Variants in CDON observed in about 807,000 individuals in gnomAD.
The protein encoded by CDON is cell adhesion associated, oncogene regulated.
Under a neutral mutation model 120.9 loss-of-function variants are expected in CDON, and 73 were observed. That is an observed-to-expected ratio of 0.60 (90% CI 0.50 to 0.73). The LOEUF (loss-of-function observed/expected upper bound fraction) is 0.73, where lower values mean the gene tolerates loss of function less well. Among genes scored for constraint, CDON ranks in the 30% least tolerant of loss-of-function variants. The pLI is 0.00. For synonymous variants in CDON, 566 were observed against 573.5 expected (o/e 0.99, Z 0.19); for missense variants, 1,470 against 1,587.3 (o/e 0.93, Z 1.26).
intron 18 of CDON, among the ~76,000 whole-genome samples, chr11:125,975,896 T>C (rs1164437410): frequency 1.3e-5 from 2 of 152,202 alleles, no homozygotes; most frequent in African/African-American, 4.8e-5. Context: ...GCTCAGTAAA[T>C]GTTTGTTTTG....
chr11:125,992,024 A>G (rs188813688), intron 14 of CDON, among the ~76,000 whole-genome samples: 3 of 152,376 alleles, frequency 2.0e-5, no homozygotes, highest in African/African-American at 4.8e-5. Flanking sequence ...TTTCTAGAAC[A>G]TAGAACCAAG....
At chr11:125,971,494 G>A (rs1346783433) in intron 18 of CDON, among the ~76,000 whole-genome samples, 1 of 152,114 alleles carries the variant, frequency 6.6e-6, no homozygotes, top group East Asian at 1.9e-4. Context: ...GTTTCAAGTT[G>A]GTGAAAGAGC....
rs754287848 is a variant in CDON at position 126,018,509 on chromosome 11, T to G, written c.497-36A>C. 3.5e-5 allele frequency: 55 copies of G among 1,580,318 alleles called. No individual in the cohort carries two copies. In the Admixed American group the frequency reaches 9.0e-4, roughly 26 times the overall value. ...AAGGGAGTGCAGTTAGGCCTCTCCC[T>G]TTATGAAGGACACCACAGCACAACT... On this transcript the variant is annotated intron_variant, in intron 4 of 19. Coordinates refer to ENST00000531738, the MANE Select transcript of CDON (RefSeq NM_001378964.1).
chr11:126,047,901 A>C (rs968071955), intron 1 of CDON, among the ~76,000 whole-genome samples: 1 of 152,232 alleles, frequency 6.6e-6, no homozygotes, highest in Non-Finnish European at 1.5e-5. Context: ...CTACGTTTAT[A>C]TAAAATAAGG....
intron 10 of CDON, among the ~76,000 whole-genome samples, chr11:126,002,423 A>G (rs1946972034): frequency 6.6e-6 from 1 of 152,202 alleles, no homozygotes; most frequent in South Asian, 2.1e-4. Context: ...CTTAGTAATT[A>G]GATGAAAGGG....
At chr11:125,969,775 T>C (rs1386820502) in intron 18 of CDON, among the ~76,000 whole-genome samples, 2 of 152,186 alleles carry the variant, frequency 1.3e-5, no homozygotes, top group Admixed American at 1.3e-4. Flanking sequence ...CTGACCAATC[T>C]GAAAGATAGG....
chr11:126,056,977 G>A lies in CDON; in HGVS notation c.-62+5602C>T, dbSNP rs772969361. 1.8e-4 allele frequency among the ~76,000 whole-genome samples: 28 copies of A among 152,230 alleles called. No individual in the cohort carries two copies. In the Middle Eastern group the frequency reaches 0.01, roughly 55 times the overall value. On this transcript the variant is annotated intron_variant, in intron 1 of 19. Coordinates refer to ENST00000531738, the MANE Select transcript of CDON (RefSeq NM_001378964.1). ...CTGTACAACGCTAAGTGTTGATTAC[G>A]GCATTTAGTCCTAAGCATGAAGGAT...
intron 1 of CDON, among the ~76,000 whole-genome samples, chr11:126,024,634 T>C (rs1947738428): frequency 6.6e-6 from 1 of 152,212 alleles, no homozygotes; most frequent in South Asian, 2.1e-4. Flanking sequence ...AGCTATCTAT[T>C]AGACATCCAA....
intron 4 of CDON, 25 bp from the exon 5 acceptor site, chr11:126,018,498 A>C: frequency 6.2e-7 from 1 of 1,609,174 alleles, no homozygotes; most frequent in Non-Finnish European, 8.5e-7. Flanking sequence ...GAGTGCAGTT[A>C]GGCCTCTCCC....
intron 17 of CDON, among the ~76,000 whole-genome samples, 178 bp from the exon 18 acceptor site, chr11:125,978,561 A>T (rs1479903947): frequency 3.3e-5 from 5 of 152,230 alleles, no homozygotes; most frequent in Admixed American, 3.3e-4. Context: ...ACCCATATTC[A>T]CAAAGGAGTG....
At position 126,017,313 on chromosome 11, in the gene CDON, A is replaced by G. The variant is rs749790277; in HGVS notation, c.703T>C (p.Ser235Pro). Residue 235 changes from serine (S) to proline (P), a missense_variant, in exon 6 of 20, where the codon TCT (serine) becomes CCT (proline). Transcript: ENST00000531738. ...PTHSQALAVL[S>P]RSPVTLECVV... ...CACTCCAAGGTTACAGGGCTACGAG[A>G]AAGAACAGCTAATGCCTGTGAATGG... 6.8e-6 allele frequency: 11 copies of G among 1,614,160 alleles called. No homozygotes were observed. In the South Asian group the frequency reaches 1.2e-4, roughly 18 times the overall value.
At chr11:125,989,185 G>A (rs1237440497) in intron 15 of CDON, among the ~76,000 whole-genome samples, 1 of 152,226 alleles carries the variant, frequency 6.6e-6, no homozygotes, top group Non-Finnish European at 1.5e-5. Flanking sequence ...TGTTGGGACA[G>A]TCTAAGTGTA....
In CDON at chr11:125,958,559, A is replaced by ATG. The variant is rs1243480667; in HGVS notation, c.*2382_*2383insCA. On this transcript the variant is annotated 3_prime_UTR_variant, in exon 20 of 20. Coordinates refer to ENST00000531738, the MANE Select transcript of CDON (RefSeq NM_001378964.1). Reference sequence around the variant, plus strand: ...AATATAAAGGCAATTATATATATATATATATATGTGTGTGTGTGTGTGTGT... The same window carrying ATG: ...AATATAAAGGCAATTATATATATATATGTATATATGTGTGTGTGTGTGTGTGT... The ATG allele has an allele frequency of 1.3e-5, 1 of 76,000 alleles. No individual in the cohort carries two copies. The highest frequency in any genetic ancestry group is 5.6e-5 in the African/African-American group (1 of 17,890). 4.7% of individuals were successfully genotyped at this position (76,000 alleles called of 1,614,324 possible).
chr11:125,984,087 C>A lies in CDON; in HGVS notation c.2780G>T (p.Arg927Leu), dbSNP rs374048433. The A allele has an allele frequency of 6.2e-7, 1 of 1,603,456 alleles. No homozygotes were observed. The highest frequency in any genetic ancestry group is 8.5e-7 in the Non-Finnish European group (1 of 1,170,326). Residue 927 changes from arginine to leucine, a missense_variant, in exon 16 of 20, where the codon CGT becomes CTT. Transcript: ENST00000531738. ...NVMICETKVK[R>L]VPGASEYPVK... The stretch of plus-strand genomic sequence containing the variant: ...AGGATATTCAGAAGCTCCAGGAACA[C>A]GTTTCACTAGTTGAAATATAAAGGA...
chr11:125,981,744 A>C lies in CDON; in HGVS notation c.2996-415T>G, dbSNP rs183149955. Among the ~76,000 whole-genome samples, 1,119 of 152,192 alleles carry C rather than the reference A, an allele frequency of 7.4e-3. 8 individuals carry two copies. Among genetic ancestry groups the C allele is most frequent in the Non-Finnish European group, 0.012 (793 of 68,006 alleles). On this transcript the variant is annotated intron_variant, in intron 16 of 19. Coordinates refer to ENST00000531738, the MANE Select transcript of CDON (RefSeq NM_001378964.1). ...TCAGAGTACTGGCAATACTAGGAAAAAGTGCTTAAACTCCTATATATTATA... is the reference window on the plus strand; with the variant it reads ...TCAGAGTACTGGCAATACTAGGAAACAGTGCTTAAACTCCTATATATTATA...
At position 126,054,764 on chromosome 11, in the gene CDON, G is replaced by C. The variant is rs141340906; in HGVS notation, c.-62+7815C>G. Among the ~76,000 whole-genome samples, 478 of 152,308 alleles carry C rather than the reference G, an allele frequency of 3.1e-3. 5 individuals are homozygous for C. The highest frequency in any genetic ancestry group is 0.011 in the African/African-American group (455 of 41,574). On this transcript the variant is annotated intron_variant, in intron 1 of 19. Coordinates refer to ENST00000531738, the MANE Select transcript of CDON (RefSeq NM_001378964.1). ...CACGTTAATGCCATCCAGGATATCT[G>C]AGTGTTTAGTACTTGTTCAGCAGAG...
intron 1 of CDON, among the ~76,000 whole-genome samples, chr11:126,035,383 A>T (rs1449613251): frequency 6.6e-6 from 1 of 152,200 alleles, no homozygotes; most frequent in Non-Finnish European, 1.5e-5. Flanking sequence ...AGAGACCTAG[A>T]ACATATTAAT....
intron 14 of CDON, among the ~76,000 whole-genome samples, chr11:125,991,082 A>G (rs1218379975): frequency 6.6e-6 from 1 of 152,180 alleles, no homozygotes; most frequent in Non-Finnish European, 1.5e-5. Flanking sequence ...TAATTACTAC[A>G]CTAGATTTGA....
At position 126,026,487 on chromosome 11, in the gene CDON, A is replaced by G. The variant is rs550320053; in HGVS notation, c.-61-2950T>C. On this transcript the variant is annotated intron_variant, in intron 1 of 19. Transcript: ENST00000531738. ...AAGGTTAATGCTAACCATTAATAAA[A>G]TTAGGTAGTAATACAGAGGAAGGCA... 3.9e-5 allele frequency among the ~76,000 whole-genome samples: 6 copies of G among 152,350 alleles called. No homozygotes were observed. The East Asian group carries it at 1.2e-3, about 29-fold the overall frequency.
Sources: gnomAD v4.1 joint callset for allele counts (sites outside exome capture counted in the v4.1 genomes callset) on GRCh38, gnomAD v4.1.1 for gene constraint, MANE v1.5 for transcripts, NCBI Gene and HGNC (gene_info 2026-07-23, HGNC 2026-07-21) for gene names.